The following ATP8A1 variants were observed in gnomAD, a reference collection of about 807,000 sequenced individuals.
The protein encoded by ATP8A1 is ATPase phospholipid transporting 8A1.
In ATP8A1, 90 loss-of-function variants were observed where a neutral mutation model predicts 177.7. The ratio of observed to expected loss-of-function variants is 0.51; its 90% CI spans 0.43 to 0.60. The LOEUF is 0.60. Ranked by LOEUF, ATP8A1 falls within the 20% of genes least tolerant of loss-of-function variation. The pLI, the probability that ATP8A1 is intolerant of heterozygous loss-of-function variation, is 0.00. For missense variants in ATP8A1, 1,072 were observed against 1,392.8 expected (o/e 0.77, Z 3.67); for synonymous variants, 493 against 485.9 (o/e 1.01, Z -0.19).
intron 25 of ATP8A1, among the ~76,000 whole-genome samples, chr4:42,478,942 T>C (rs2153187557): frequency 6.6e-6 from 1 of 152,276 alleles, no homozygotes; most frequent in Admixed American, 6.5e-5. Flanking sequence ...AGAAAGCCAG[T>C]GAGGAGAGAT....
chr4:42,552,221 AAATT>A (rs1297092347), intron 17 of ATP8A1, among the ~76,000 whole-genome samples: 1 of 152,200 alleles, frequency 6.6e-6, no homozygotes, highest in African/African-American at 2.4e-5. Context: ...AAGAAGCGAA[AAATT>A]ATTATGTGTA....
intron 33 of ATP8A1, among the ~76,000 whole-genome samples, chr4:42,442,101 G>A (rs1469267102): frequency 1.3e-5 from 2 of 152,306 alleles, no homozygotes; most frequent in Admixed American, 6.5e-5. Flanking sequence ...CTAGAAGTAG[G>A]TGGTCAAAAC....
intron 1 of ATP8A1, among the ~76,000 whole-genome samples, chr4:42,633,641 A>G (rs1449610482): frequency 6.6e-6 from 1 of 152,216 alleles, no homozygotes; most frequent in African/African-American, 2.4e-5. Context: ...AAGTTTCATT[A>G]TGCATATAAT....
chr4:42,468,349 C>T (rs986392647), intron 25 of ATP8A1, among the ~76,000 whole-genome samples: 8 of 151,560 alleles, frequency 5.3e-5, no homozygotes, highest in Admixed American at 3.3e-4. Flanking sequence ...AATCAACAAG[C>T]GGATAAAGAA....
At chr4:42,556,803 G>A (rs1347903920) in intron 15 of ATP8A1, among the ~76,000 whole-genome samples, 1 of 152,070 alleles carries the variant, frequency 6.6e-6, no homozygotes, top group South Asian at 2.1e-4. Flanking sequence ...GGTATAGTTT[G>A]CAAAATTTAG....
chr4:42,550,416 T>A (rs1729389151), intron 18 of ATP8A1, among the ~76,000 whole-genome samples: 1 of 152,174 alleles, frequency 6.6e-6, no homozygotes, highest in Admixed American at 6.5e-5. Flanking sequence ...AGCATTTTGT[T>A]CCAAGTCTTT....
At chr4:42,596,018 T>G (rs1734681376) in intron 6 of ATP8A1, among the ~76,000 whole-genome samples, 1 of 152,202 alleles carries the variant, frequency 6.6e-6, no homozygotes, top group Non-Finnish European at 1.5e-5. Flanking sequence ...GTAAGGAAAG[T>G]AGGGAACTTA....
At position 42,455,411 on chromosome 4, in the gene ATP8A1, T is replaced by C; in HGVS notation, c.2703A>G (p.Thr901=). The change falls in exon 29 of 37, where the codon ACA becomes ACG. Residue 901 remains threonine (T), a synonymous_variant. Transcript: ENST00000381668. ...WCIGLYNVMF[T]AMPPLTLGIF... is the part of the protein sequence containing the mutation. ...TTCCAAGAGTTAAAGGAGGCATTGC[T>C]GTAAACATCTAAAGCGCACAAACTG... is the stretch of plus-strand genomic sequence containing the variant. The C allele has an allele frequency of 1.9e-6, 3 of 1,613,938 alleles. No individual in the cohort carries two copies. The highest frequency in any genetic ancestry group is 2.5e-6 in the Non-Finnish European group (3 of 1,179,818).
intron 33 of ATP8A1, among the ~76,000 whole-genome samples, chr4:42,433,895 A>C (rs1449687297): frequency 1.3e-5 from 2 of 152,002 alleles, no homozygotes; most frequent in Non-Finnish European, 2.9e-5. Flanking sequence ...TTAGAGGGAA[A>C]GGAGGAAGAG....
chr4:42,539,503 C>G (rs1261849242), intron 20 of ATP8A1, among the ~76,000 whole-genome samples: 1 of 150,204 alleles, frequency 6.7e-6, no homozygotes, highest in Non-Finnish European at 1.5e-5. Flanking sequence ...TAAAATAATC[C>G]TGAGCAAAAA....
chr4:42,569,033 T>C, intron 15 of ATP8A1, 128 bp downstream of exon 15: 1 of 350,674 alleles, frequency 2.9e-6, no homozygotes, highest in Non-Finnish European at 4.8e-6. Context: ...ATTGTTACCC[T>C]AACTGCTCAG....
chr4:42,537,314 A>T (rs1727949362), intron 20 of ATP8A1, among the ~76,000 whole-genome samples: 1 of 152,064 alleles, frequency 6.6e-6, no homozygotes, highest in Non-Finnish European at 1.5e-5. Flanking sequence ...TCAACATTAT[A>T]CTGAATGGGA....
intron 5 of ATP8A1, 94 bp from the exon 6 acceptor site, chr4:42,600,612 C>G (rs1719506959): frequency 8.7e-7 from 1 of 1,145,762 alleles, no homozygotes; most frequent in African/African-American, 1.6e-5. Context: ...TAGCTTCAGT[C>G]AAAATAACTA....
chr4:42,571,175 G>A (rs557273676), intron 14 of ATP8A1, among the ~76,000 whole-genome samples: 1 of 152,276 alleles, frequency 6.6e-6, no homozygotes, highest in South Asian at 2.1e-4. Flanking sequence ...TGATAATCGT[G>A]AAATTTCTCG....
At chr4:42,421,338 A>G (rs1230808995) in intron 35 of ATP8A1, among the ~76,000 whole-genome samples, 1 of 152,148 alleles carries the variant, frequency 6.6e-6, no homozygotes, top group Non-Finnish European at 1.5e-5. Context: ...ATATTTTTGA[A>G]CAAACAGCAA....
chr4:42,458,985 C>T (rs905093117), intron 27 of ATP8A1, among the ~76,000 whole-genome samples: 9 of 152,222 alleles, frequency 5.9e-5, no homozygotes, highest in Admixed American at 2.0e-4. Flanking sequence ...TCTGTCTATT[C>T]ATTCACAGTA....
At chr4:42,424,160 A>G (rs4317238) in intron 33 of ATP8A1, among the ~76,000 whole-genome samples, 27,674 of 152,016 alleles carry the variant, frequency 0.18, 2,991 homozygotes, top group South Asian at 0.3. Flanking sequence ...TGTTATTGCT[A>G]AAGTCAAACC....
chr4:42,531,397 C>A (rs967378801), intron 20 of ATP8A1, among the ~76,000 whole-genome samples: 1 of 152,200 alleles, frequency 6.6e-6, no homozygotes, highest in Non-Finnish European at 1.5e-5. Flanking sequence ...GACTACATGA[C>A]CAGCTGCAGA....
At chr4:42,583,506 C>T (rs1460725716) in intron 9 of ATP8A1, among the ~76,000 whole-genome samples, 1 of 152,160 alleles carries the variant, frequency 6.6e-6, no homozygotes, top group African/African-American at 2.4e-5. Flanking sequence ...GCAACTGTCA[C>T]CTCAGCAGTG....
Sources: gnomAD v4.1 joint callset for allele counts (sites outside exome capture counted in the v4.1 genomes callset) on GRCh38, gnomAD v4.1.1 for gene constraint, MANE v1.5 for transcripts, NCBI Gene and HGNC (gene_info 2026-07-23, HGNC 2026-07-21) for gene names.